CFDP1: variants seen among roughly 807,000 people sequenced by gnomAD.
The protein encoded by CFDP1 is heterochromatin-stabilizing protein CFDP1.
Under a neutral mutation model 40.1 loss-of-function variants are expected in CFDP1, and 31 were observed. The ratio of observed to expected loss-of-function variants is 0.77; its 90% CI spans 0.58 to 1.04. The LOEUF is 1.04. CFDP1 is among the 50% of genes least tolerant of loss of function. The probability of loss-of-function intolerance (pLI) is 0.00; values close to 1 mark genes in which losing one functional copy is unlikely to be tolerated. For synonymous variants in CFDP1, 167 were observed against 120.0 expected, an observed-to-expected ratio of 1.39 and a Z score of -2.56; for missense variants, 423 against 343.4, an observed-to-expected ratio of 1.23 and a Z score of -1.83.
chr16:75,311,734 T>C (rs2078293787), intron 5 of CFDP1, among the ~76,000 whole-genome samples: 1 of 152,024 alleles, frequency 6.6e-6, no homozygotes, highest in African/African-American at 2.4e-5. Flanking sequence ...CCTTAGTATT[T>C]GTCATCTGCT....
intron 1 of CFDP1, among the ~76,000 whole-genome samples, chr16:75,424,580 CCA>C (rs1400391143): frequency 6.6e-6 from 1 of 152,012 alleles, no homozygotes; most frequent in Non-Finnish European, 1.5e-5. Context: ...ACGGTGAAAC[CCA>C]GTCTCTACTA....
chr16:75,358,684 T>C (rs752213284), intron 5 of CFDP1, among the ~76,000 whole-genome samples: 4 of 152,218 alleles, frequency 2.6e-5, no homozygotes, highest in Non-Finnish European at 5.9e-5. Context: ...TGGTTATTCA[T>C]ACTTAAGTAT....
chr16:75,318,104 A>G (rs2078336272), intron 5 of CFDP1, among the ~76,000 whole-genome samples: 1 of 151,954 alleles, frequency 6.6e-6, no homozygotes, highest in African/African-American at 2.4e-5. Flanking sequence ...GCGCCACTGC[A>G]CTCCAGCCTG....
At chr16:75,371,730 A>G (rs1484709300) in intron 5 of CFDP1, among the ~76,000 whole-genome samples, 2 of 152,208 alleles carry the variant, frequency 1.3e-5, no homozygotes, top group Admixed American at 6.5e-5. Context: ...AGTGAATTTC[A>G]GTCTTGGTGT....
At chr16:75,398,119 C>T (rs1487098426) in intron 4 of CFDP1, among the ~76,000 whole-genome samples, 2 of 152,232 alleles carry the variant, frequency 1.3e-5, no homozygotes, top group South Asian at 2.1e-4. Flanking sequence ...ATCTCAGATA[C>T]TCAGAGGCAA....
In CFDP1 at chr16:75,433,331, C is replaced by T. The variant is rs768041685; in HGVS notation, c.22G>A (p.Asp8Asn). 5.6e-6 allele frequency: 9 copies of T among 1,599,962 alleles called. No individual in the cohort carries two copies. Among genetic ancestry groups the T allele is most frequent in the African/African-American group, 2.7e-5 (2 of 74,658 alleles). ...TCGTCCTCCTCCGACGTAGAGAAGTCTTCGGAGTCGAATTCCTCCATGTTG... is the reference window on the plus strand; with the variant it reads ...TCGTCCTCCTCCGACGTAGAGAAGTTTTCGGAGTCGAATTCCTCCATGTTG... MEEFDSEDFSTSEEDEDY... is the reference protein window; with the variant it reads MEEFDSENFSTSEEDEDY... The change falls in exon 1 of 7, where the codon GAC (aspartate) becomes AAC (asparagine). Residue 8 changes from aspartate (D) to asparagine (N), a missense_variant. Physicochemically the swap from Asp to Asn is conservative, Grantham distance 23. Transcript: ENST00000283882.
chr16:75,421,018 TG>T (rs1182334312), intron 1 of CFDP1, among the ~76,000 whole-genome samples: 1 of 152,192 alleles, frequency 6.6e-6, no homozygotes, highest in Non-Finnish European at 1.5e-5. Flanking sequence ...TGTAAAAAGA[TG>T]CTTAATCTCA....
intron 6 of CFDP1, among the ~76,000 whole-genome samples, chr16:75,302,430 T>C (rs2078227445): frequency 6.6e-6 from 1 of 152,154 alleles, no homozygotes; most frequent in East Asian, 1.9e-4. Flanking sequence ...ACTAATGTTT[T>C]TGATTTTTAG....
intron 5 of CFDP1, among the ~76,000 whole-genome samples, chr16:75,362,521 T>A (rs978421762): frequency 6.6e-6 from 1 of 152,254 alleles, no homozygotes. Context: ...ATAGCTATGC[T>A]GATTTTTGGT....
chr16:75,347,343 CAAAAAAAA>C (rs762900031), intron 5 of CFDP1, among the ~76,000 whole-genome samples: 1 of 91,624 alleles, frequency 1.1e-5, no homozygotes, highest in African/African-American at 3.9e-5. Flanking sequence ...GACTCCATCT[CAAAAAAAA>C]AAAAAAAAAA....
Position 75,293,851 on chromosome 16 carries a change from C to A in CFDP1, c.*101G>T. The A allele has an allele frequency of 2.2e-6, 2 of 930,148 alleles. No homozygotes were observed. The highest frequency in any genetic ancestry group is 1.6e-5 in the South Asian group (1 of 62,894). 57.6% of individuals were successfully genotyped at this position (930,148 alleles called of 1,614,324 possible). ...CAATGTAGAAAAAAAAAAGACCTTG[C>A]TGGGAAACAGATGATGAGAAACACT... On this transcript the variant is annotated 3_prime_UTR_variant, in exon 7 of 7. Coordinates refer to ENST00000283882, the MANE Select transcript of CFDP1 (RefSeq NM_006324.3).
In CFDP1 at chr16:75,349,698, T is replaced by TATATATATACACAC. The variant is rs146824267; in HGVS notation, c.651-44517_651-44516insGTGTGTATATATAT. ...AAAAAAAAAAAAAAAAAAATATATA[T>TATATATATACACAC]ACATACATATATACGGTTGATTTTT... On this transcript the variant is annotated intron_variant, in intron 5 of 6. Transcript: ENST00000283882. 4.6e-4 allele frequency among the ~76,000 whole-genome samples: 22 copies of TATATATATACACAC among 47,898 alleles called. 1 individual carries two copies. The highest frequency in any genetic ancestry group is 0.014 in the Middle Eastern group (1 of 72). The allele number at this position is 47,898 out of a possible 152,430, so 31.4% of individuals were successfully genotyped here.
intron 5 of CFDP1, among the ~76,000 whole-genome samples, chr16:75,325,278 AG>A (rs1258730924): frequency 6.6e-6 from 1 of 152,198 alleles, no homozygotes; most frequent in African/African-American, 2.4e-5. Context: ...CTCCTAGCAC[AG>A]CCCCTTGTAT....
chr16:75,415,225 T>A (rs563077811), intron 1 of CFDP1, among the ~76,000 whole-genome samples: 1 of 152,210 alleles, frequency 6.6e-6, no homozygotes, highest in Non-Finnish European at 1.5e-5. Flanking sequence ...CCATGTCCCA[T>A]TGTCAGACAC....
At chr16:75,295,115 C>T (rs1270231045) in intron 6 of CFDP1, among the ~76,000 whole-genome samples, 3 of 151,942 alleles carry the variant, frequency 2.0e-5, no homozygotes, top group Non-Finnish European at 4.4e-5. Flanking sequence ...TCTGTCATTA[C>T]AAAGTCATTA....
chr16:75,385,941 C>T (rs769281902), intron 5 of CFDP1, among the ~76,000 whole-genome samples: 6 of 152,152 alleles, frequency 3.9e-5, no homozygotes, highest in South Asian at 2.1e-4. Context: ...TTCTTCCCTA[C>T]ACATCCAAGA....
chr16:75,371,011 A>C (rs985920120), intron 5 of CFDP1, among the ~76,000 whole-genome samples: 6 of 152,238 alleles, frequency 3.9e-5, no homozygotes, highest in Non-Finnish European at 8.8e-5. Flanking sequence ...ATATGAGCAT[A>C]TACTGTGCCA....
At chr16:75,412,112 G>A (rs2079168646) in intron 3 of CFDP1, among the ~76,000 whole-genome samples, 160 bp from the exon 4 acceptor site, 1 of 152,118 alleles carries the variant, frequency 6.6e-6, no homozygotes, top group African/African-American at 2.4e-5. Flanking sequence ...CCACCTCCCA[G>A]GTTAAAGCGA....
At chr16:75,349,370 C>T (rs567957562) in intron 5 of CFDP1, among the ~76,000 whole-genome samples, 12 of 151,114 alleles carry the variant, frequency 7.9e-5, no homozygotes, top group African/African-American at 2.7e-4. Context: ...ATTAGCCGGG[C>T]GTGGTGGCGG....
Sources: gnomAD v4.1 joint callset for allele counts (sites outside exome capture counted in the v4.1 genomes callset) on GRCh38, gnomAD v4.1.1 for gene constraint, MANE v1.5 for transcripts, NCBI Gene and HGNC (gene_info 2026-07-23, HGNC 2026-07-21) for gene names.